The following PTPRT variants were observed in gnomAD, a reference collection of about 807,000 sequenced individuals.
PTPRT encodes the protein protein tyrosine phosphatase receptor type T.
A neutral mutation model predicts 176.8 loss-of-function variants in PTPRT; 56 were observed. That is an observed-to-expected ratio of 0.32 (90% CI 0.26 to 0.40). The LOEUF is 0.40. Among genes scored for constraint, PTPRT ranks in the 10% least tolerant of loss-of-function variants. PTPRT has a pLI of 1.00. For synonymous variants in PTPRT, 783 were observed against 739.0 expected (o/e 1.06, Z -0.96); for missense variants, 1,540 against 1,908.2 (o/e 0.81, Z 3.60).
intron 6 of PTPRT, among the ~76,000 whole-genome samples, chr20:42,754,015 T>C (rs73907261): frequency 0.025 from 3,830 of 152,196 alleles, 170 homozygotes; most frequent in African/African-American, 0.086. Context: ...GGAGCGGGAA[T>C]GAACACAGCA....
chr20:42,264,646 G>C (rs2056808820), intron 13 of PTPRT, among the ~76,000 whole-genome samples: 1 of 152,244 alleles, frequency 6.6e-6, no homozygotes, highest in South Asian at 2.1e-4. Context: ...AGGGGAACTA[G>C]AGGATGCCCA....
intron 1 of PTPRT, among the ~76,000 whole-genome samples, chr20:43,070,097 G>A (rs867803822): frequency 3.9e-5 from 6 of 152,066 alleles, no homozygotes; most frequent in South Asian, 4.1e-4. Context: ...TACTTCCTTT[G>A]TGGGTTATTT....
At chr20:42,600,804 G>A (rs983568504) in intron 7 of PTPRT, among the ~76,000 whole-genome samples, 1 of 152,078 alleles carries the variant, frequency 6.6e-6, no homozygotes, top group Non-Finnish European at 1.5e-5. Context: ...TTTTATGGCC[G>A]AATAGAGTTC....
chr20:42,331,275 C>T (rs374809328), intron 11 of PTPRT, among the ~76,000 whole-genome samples: 63 of 152,120 alleles, frequency 4.1e-4, no homozygotes, highest in Admixed American at 1.0e-3. Flanking sequence ...CCTAACTTGG[C>T]GATTAGAACC....
chr20:42,330,768 A>G (rs1025529400), intron 11 of PTPRT, among the ~76,000 whole-genome samples: 8 of 152,118 alleles, frequency 5.3e-5, no homozygotes, highest in African/African-American at 1.4e-4. Context: ...AGAGCATTCA[A>G]AGCAAACAGT....
intron 7 of PTPRT, among the ~76,000 whole-genome samples, chr20:42,520,471 C>A (rs1428807683): frequency 1.3e-5 from 2 of 152,020 alleles, no homozygotes; most frequent in Non-Finnish European, 2.9e-5. Flanking sequence ...CCAGGCACCA[C>A]GGCTTAGATT....
At chr20:43,006,801 T>C (rs1471654940) in intron 1 of PTPRT, among the ~76,000 whole-genome samples, 2 of 152,200 alleles carry the variant, frequency 1.3e-5, no homozygotes, top group South Asian at 2.1e-4. Flanking sequence ...CAGAAAGACA[T>C]GTCCTTGCTG....
rs536851658 is a variant in PTPRT, at chr20:42,078,676, C to T, written c.*2203G>A. ...GGCATCTGTCTCCTGGACCCTGGCTCATCTCTTGCTGCTCCCCGTGTTGTG... is the reference window on the plus strand; with the variant it reads ...GGCATCTGTCTCCTGGACCCTGGCTTATCTCTTGCTGCTCCCCGTGTTGTG... On this transcript the variant is annotated 3_prime_UTR_variant, in exon 31 of 31. Transcript: ENST00000373187. The T allele has an allele frequency of 2.8e-5, 5 of 179,412 alleles. No individual in the cohort carries two copies. The highest frequency in any genetic ancestry group is 4.8e-5 in the Non-Finnish European group (4 of 83,642). 11.1% of individuals were successfully genotyped at this position (179,412 alleles called of 1,614,324 possible).
At chr20:43,021,114 TA>T (rs1369468510) in intron 1 of PTPRT, among the ~76,000 whole-genome samples, 3 of 152,090 alleles carry the variant, frequency 2.0e-5, no homozygotes, top group African/African-American at 2.4e-5. Context: ...GTATCCTCCC[TA>T]AAAAATCAAC....
rs566115151 is a variant in PTPRT, at chr20:42,614,175, C to T, written c.1153+63691G>A. Among the ~76,000 whole-genome samples, 11 of 151,066 alleles carry T rather than the reference C, an allele frequency of 7.3e-5. No individual in the cohort carries two copies. In the East Asian group the frequency reaches 2.1e-3, roughly 29 times the overall value. On this transcript the variant is annotated intron_variant, in intron 7 of 30. Coordinates refer to ENST00000373187, the MANE Select transcript of PTPRT (RefSeq NM_007050.6). ...TGTTTCTTGGCTTGCAGAAGCATCA[C>T]CCTGATCTCTGCATTCAATTTCACA...
chr20:42,686,515 A>G (rs1414823449), intron 6 of PTPRT, among the ~76,000 whole-genome samples: 2 of 100,154 alleles, frequency 2.0e-5, no homozygotes, highest in Admixed American at 1.6e-4. Context: ...ACAGAGTCTC[A>G]CTCTGTCACC....
intron 17 of PTPRT, among the ~76,000 whole-genome samples, chr20:42,152,982 G>C (rs1029478895): frequency 5.9e-5 from 9 of 151,952 alleles, no homozygotes; most frequent in African/African-American, 2.2e-4. Flanking sequence ...TTGCTTCCAA[G>C]CTTTGCACAT....
At chr20:42,151,620 G>A (rs1989136839) in intron 17 of PTPRT, among the ~76,000 whole-genome samples, 1 of 152,200 alleles carries the variant, frequency 6.6e-6, no homozygotes, top group South Asian at 2.1e-4. Flanking sequence ...GTGTGCATAT[G>A]TCTTTATAGT....
intron 7 of PTPRT, among the ~76,000 whole-genome samples, chr20:42,590,964 GTGTGTGTGTGTA>G (rs1463527063): frequency 2.7e-5 from 4 of 150,434 alleles, no homozygotes; most frequent in African/African-American, 9.9e-5. Context: ...GTGTGTGTGT[GTGTGTGTGTGTA>G]ATGGGGCATT....
intron 7 of PTPRT, among the ~76,000 whole-genome samples, chr20:42,625,079 A>G (rs923347592): frequency 1.3e-5 from 2 of 152,200 alleles, no homozygotes; most frequent in African/African-American, 4.8e-5. Context: ...AAAGCTGAAC[A>G]CTGACACAGC....
At chr20:42,438,643 A>T (rs1035304648) in intron 9 of PTPRT, among the ~76,000 whole-genome samples, 9 of 152,194 alleles carry the variant, frequency 5.9e-5, no homozygotes, top group African/African-American at 1.9e-4. Flanking sequence ...ATGCTCATAC[A>T]CACACCCCAA....
chr20:42,360,377 A>G (rs777121875), intron 9 of PTPRT, among the ~76,000 whole-genome samples: 7 of 152,276 alleles, frequency 4.6e-5, no homozygotes, highest in Non-Finnish European at 1.0e-4. Context: ...CAGCTGCCCT[A>G]AATTTCAAAG....
At chr20:42,111,427 G>A (rs1469286842) in intron 22 of PTPRT, among the ~76,000 whole-genome samples, 1 of 152,204 alleles carries the variant, frequency 6.6e-6, no homozygotes, top group Non-Finnish European at 1.5e-5. Context: ...AACAGCTCAT[G>A]GCCTTGTCGG....
At chr20:43,058,797 C>G (rs532491087) in intron 1 of PTPRT, among the ~76,000 whole-genome samples, 6 of 151,592 alleles carry the variant, frequency 4.0e-5, no homozygotes, top group African/African-American at 1.5e-4. Flanking sequence ...ATGCAATACA[C>G]CAAGACTAAG....
Sources: gnomAD v4.1 joint callset for allele counts (sites outside exome capture counted in the v4.1 genomes callset) on GRCh38, gnomAD v4.1.1 for gene constraint, MANE v1.5 for transcripts, NCBI Gene and HGNC (gene_info 2026-07-23, HGNC 2026-07-21) for gene names.